The following LUZP2 variants were observed in gnomAD, a reference collection of about 807,000 sequenced individuals.
LUZP2 encodes leucine zipper protein 2.
LUZP2 carries 52 observed loss-of-function variants against 51.6 expected under a neutral mutation model. The observed-to-expected ratio is 1.01, with a 90% CI of 0.81 to 1.27. The LOEUF is 1.27. LUZP2 is among the 50% of genes most tolerant of loss of function. LUZP2 has a pLI of 0.00. For missense variants in LUZP2, 436 were observed against 395.4 expected, an observed-to-expected ratio of 1.10 and a Z score of -0.87; for synonymous variants, 154 against 137.3, an observed-to-expected ratio of 1.12 and a Z score of -0.85.
intron 5 of LUZP2, among the ~76,000 whole-genome samples, chr11:24,801,306 T>G (rs1564910875): frequency 6.6e-6 from 1 of 152,018 alleles, no homozygotes; most frequent in Non-Finnish European, 1.5e-5. Flanking sequence ...AACCCTCAAT[T>G]CATTCTCAAA....
intron 5 of LUZP2, among the ~76,000 whole-genome samples, chr11:24,787,881 A>T (rs546692885): frequency 6.6e-6 from 1 of 152,208 alleles, no homozygotes; most frequent in East Asian, 1.9e-4. Flanking sequence ...CTGCCTCAGC[A>T]TCTTGAGTCA....
At chr11:24,997,877 A>T (rs1215977153) in intron 9 of LUZP2, among the ~76,000 whole-genome samples, 1 of 152,164 alleles carries the variant, frequency 6.6e-6, no homozygotes, top group African/African-American at 2.4e-5. Context: ...TAAATAGGGA[A>T]TCCTTTCCCC....
At chr11:24,683,713 T>G (rs1856815135) in intron 1 of LUZP2, among the ~76,000 whole-genome samples, 2 of 152,180 alleles carry the variant, frequency 1.3e-5, no homozygotes, top group South Asian at 4.1e-4. Context: ...TAATTTATAT[T>G]TCTCTTCAAT....
At chr11:24,688,785 G>T (rs1014390463) in intron 1 of LUZP2, among the ~76,000 whole-genome samples, 1 of 151,960 alleles carries the variant, frequency 6.6e-6, no homozygotes, top group Non-Finnish European at 1.5e-5. Context: ...TATATTACTG[G>T]GAGTTCATCT....
intron 1 of LUZP2, among the ~76,000 whole-genome samples, chr11:24,678,621 C>T (rs1854895647): frequency 6.6e-6 from 1 of 152,146 alleles, no homozygotes; most frequent in Non-Finnish European, 1.5e-5. Flanking sequence ...CAATTTTAGA[C>T]ATAATTTACT....
chr11:24,908,175 T>A (rs553313529), intron 6 of LUZP2, among the ~76,000 whole-genome samples: 3 of 152,294 alleles, frequency 2.0e-5, no homozygotes, highest in African/African-American at 7.2e-5. Flanking sequence ...ACTGTCAGTA[T>A]TCATAGAATA....
chr11:24,658,653 G>C lies in LUZP2; in HGVS notation c.63-70516G>C, dbSNP rs1475988140. Among the ~76,000 whole-genome samples the C allele has an allele frequency of 3.3e-5, 5 of 151,938 alleles. No homozygotes were observed. In the East Asian group the frequency reaches 5.8e-4, roughly 18 times the overall value. ...TGAACAGGCAACCTACAGAATGGGA[G>C]AAAATTTTTGCAATCTACTCATCTG... On this transcript the variant is annotated intron_variant, in intron 1 of 11. Coordinates refer to ENST00000336930, the MANE Select transcript of LUZP2 (RefSeq NM_001009909.4).
At chr11:24,871,592 C>T (rs1396681376) in intron 5 of LUZP2, among the ~76,000 whole-genome samples, 5 of 152,034 alleles carry the variant, frequency 3.3e-5, no homozygotes, top group African/African-American at 9.7e-5. Context: ...TCTGAAGACT[C>T]ATCAGGCCGT....
chr11:24,625,321 G>A (rs1479971064), intron 1 of LUZP2, among the ~76,000 whole-genome samples: 1 of 147,914 alleles, frequency 6.8e-6, no homozygotes, highest in Non-Finnish European at 1.5e-5. Flanking sequence ...TTGACAAGAG[G>A]AGAGATTTTA....
intron 1 of LUZP2, among the ~76,000 whole-genome samples, chr11:24,581,281 AC>A (rs1176373991): frequency 3.3e-5 from 5 of 152,174 alleles, no homozygotes; most frequent in Admixed American, 1.3e-4. Context: ...AACAAAGTAA[AC>A]AAAAACAGTG....
intron 5 of LUZP2, among the ~76,000 whole-genome samples, chr11:24,818,612 A>T (rs139532965): frequency 2.0e-5 from 3 of 152,198 alleles, no homozygotes; most frequent in African/African-American, 7.2e-5. Context: ...TATATGAAAA[A>T]TTATGGGAAG....
chr11:24,666,268 T>A (rs1174348062), intron 1 of LUZP2, among the ~76,000 whole-genome samples: 1 of 152,056 alleles, frequency 6.6e-6, no homozygotes, highest in Non-Finnish European at 1.5e-5. Flanking sequence ...GAGATGGGGA[T>A]CTGCAGGGAA....
intron 5 of LUZP2, among the ~76,000 whole-genome samples, chr11:24,814,425 A>T (rs1466804742): frequency 1.3e-5 from 2 of 152,154 alleles, no homozygotes; most frequent in African/African-American, 2.4e-5. Flanking sequence ...ATTCCTAGAG[A>T]CTATGTATGT....
chr11:24,737,614 C>T (rs1858991642), intron 3 of LUZP2, among the ~76,000 whole-genome samples: 2 of 152,014 alleles, frequency 1.3e-5, no homozygotes, highest in Admixed American at 6.6e-5. Context: ...AAAAGGGAGA[C>T]AGGATCCTTA....
At chr11:25,022,376 T>A (rs189295172) in intron 9 of LUZP2, among the ~76,000 whole-genome samples, 2 of 152,142 alleles carry the variant, frequency 1.3e-5, no homozygotes, top group Admixed American at 1.3e-4. Flanking sequence ...ACCCAATAAG[T>A]AGTTTGTGAA....
At chr11:25,036,962 A>G (rs1857884797) in intron 9 of LUZP2, among the ~76,000 whole-genome samples, 1 of 151,002 alleles carries the variant, frequency 6.6e-6, no homozygotes. Flanking sequence ...GTAGATGTCT[A>G]TTAGGTCTAA....
chr11:24,782,588 T>C (rs1298142877), intron 5 of LUZP2, among the ~76,000 whole-genome samples: 4 of 151,984 alleles, frequency 2.6e-5, no homozygotes, highest in Admixed American at 1.3e-4. Flanking sequence ...ACAACTGTCT[T>C]GCTTTAATAT....
intron 1 of LUZP2, among the ~76,000 whole-genome samples, chr11:24,621,453 C>A (rs1332724074): frequency 6.6e-6 from 1 of 152,074 alleles, no homozygotes; most frequent in African/African-American, 2.4e-5. Context: ...TGAGCAGGTC[C>A]TATTAATCTC....
intron 4 of LUZP2, among the ~76,000 whole-genome samples, chr11:24,756,173 CT>C (rs771841479): frequency 1.3e-5 from 2 of 152,182 alleles, no homozygotes; most frequent in East Asian, 3.9e-4. Flanking sequence ...CTTCTCCCAC[CT>C]TTGAGATATC....
Sources: gnomAD v4.1 joint callset for allele counts (sites outside exome capture counted in the v4.1 genomes callset) on GRCh38, gnomAD v4.1.1 for gene constraint, MANE v1.5 for transcripts, NCBI Gene and HGNC (gene_info 2026-07-23, HGNC 2026-07-21) for gene names.